Variants in THNSL1 observed in about 807,000 individuals in gnomAD.
THNSL1 encodes threonine synthase like 1.
Under a neutral mutation model 50.4 loss-of-function variants are expected in THNSL1, and 48 were observed. The observed-to-expected ratio is 0.95, with a 90% CI of 0.76 to 1.21. The LOEUF is 1.21. Among genes scored for constraint, THNSL1 ranks in the 50% most tolerant of loss-of-function variants. THNSL1 has a pLI of 0.00. For missense variants in THNSL1, 896 were observed against 871.7 expected (o/e 1.03, Z -0.35); for synonymous variants, 309 against 306.1 (o/e 1.01, Z -0.10).
the THNSL1 span, among the ~76,000 whole-genome samples, chr10:25,010,685 A>G: frequency 0.028 from 4,092 of 144,952 alleles, 145 homozygotes; most frequent in African/African-American, 0.074. Flanking sequence ...ATGAGTGAGA[A>G]CATGCGGTGT....
the THNSL1 span, among the ~76,000 whole-genome samples, chr10:24,989,715 A>G: frequency 6.6e-6 from 1 of 152,236 alleles, no homozygotes; most frequent in Non-Finnish European, 1.5e-5. Context: ...TCCATTTTTC[A>G]ACAGAGATTA....
rs776078853 is a variant in THNSL1, at chr10:25,024,098, C to T, written c.875C>T (p.Ala292Val). 7 of 1,614,174 alleles carry T rather than the reference C, an allele frequency of 4.3e-6. No homozygotes were observed. The Admixed American group carries it at 1.0e-4, about 23-fold the overall frequency. The change falls in exon 3 of 3, where the codon GCA becomes GTA. Residue 292 changes from alanine to valine, a missense_variant. Physicochemically the swap from Ala to Val is moderately conservative, Grantham distance 64. Coordinates refer to ENST00000376356, the MANE Select transcript of THNSL1 (RefSeq NM_024838.5). ...GTAGGAGCAACCTACGTAGAAAGAG[C>T]ACAGATACTGTTGGAAAGATGTATC... ...SLVGATYVER[A>V]QILLERCIHP...
At chr10:25,018,707 T>G (rs1376223013) in intron 1 of THNSL1, among the ~76,000 whole-genome samples, 1 of 137,240 alleles carries the variant, frequency 7.3e-6, no homozygotes. Context: ...TCTATTTAAA[T>G]GAATAAAATG....
the THNSL1 span, among the ~76,000 whole-genome samples, chr10:24,956,761 CG>C: frequency 6.6e-6 from 1 of 152,104 alleles, no homozygotes; most frequent in Non-Finnish European, 1.5e-5. Flanking sequence ...CCCCAACTAC[CG>C]GGCTGCAAAC....
At chr10:24,997,649 A>C in the THNSL1 span, among the ~76,000 whole-genome samples, 1 of 152,092 alleles carries the variant, frequency 6.6e-6, no homozygotes, top group African/African-American at 2.4e-5. Context: ...TTGGCCTCCC[A>C]AAGTGCTGGG....
chr10:24,984,346 G>A, the THNSL1 span: 3 of 1,407,022 alleles, frequency 2.1e-6, no homozygotes, highest in Admixed American at 5.7e-5. Context: ...ATACTTAACA[G>A]TTTTCAAAGT....
the THNSL1 span, among the ~76,000 whole-genome samples, chr10:25,004,413 T>A: frequency 6.6e-6 from 1 of 152,152 alleles, no homozygotes; most frequent in African/African-American, 2.4e-5. Context: ...AAGTGTTCCT[T>A]TTTCTCCACA....
the THNSL1 span, among the ~76,000 whole-genome samples, chr10:25,001,314 AC>A: frequency 5.9e-4 from 89 of 150,852 alleles, no homozygotes; most frequent in African/African-American, 2.1e-3. Flanking sequence ...GCTGTTTTAA[AC>A]TTTTTTTCTC....
chr10:24,977,832 G>C, the THNSL1 span, among the ~76,000 whole-genome samples: 1,657 of 152,220 alleles, frequency 0.011, 35 homozygotes, highest in African/African-American at 0.038. Context: ...CTCAGGAAAG[G>C]AGAACTTGGT....
chr10:24,999,446 T>C, the THNSL1 span: 10 of 1,613,030 alleles, frequency 6.2e-6, no homozygotes, highest in African/African-American at 6.7e-5. Flanking sequence ...AGGAAATCCT[T>C]TGGAGAAGGT....
chr10:24,981,822 G>A, the THNSL1 span, among the ~76,000 whole-genome samples: 1 of 152,150 alleles, frequency 6.6e-6, no homozygotes, highest in Non-Finnish European at 1.5e-5. Context: ...CCTGACTTTA[G>A]TACTTGAGAT....
At chr10:24,957,134 A>T in the THNSL1 span, among the ~76,000 whole-genome samples, 1 of 152,184 alleles carries the variant, frequency 6.6e-6, no homozygotes, top group Non-Finnish European at 1.5e-5. Flanking sequence ...CCTACTAACC[A>T]ACTTCTCCTA....
At position 25,024,321 on chromosome 10, in the gene THNSL1, C is replaced by T. The variant is rs758732283; in HGVS notation, c.1098C>T (p.Ile366=). Residue 366 remains isoleucine, a synonymous_variant, in exon 3 of 3, where the codon ATC becomes ATT. Transcript: ENST00000376356. ...QLMPHIFAHC[I]PPSCNYMILV... is the part of the protein sequence containing the mutation. ...TGCCTCATATTTTTGCACACTGTAT[C>T]CCACCAAGTTGCAATTATATGATAC... is the stretch of plus-strand genomic sequence containing the variant. 3.0e-5 allele frequency: 48 copies of T among 1,614,004 alleles called. No homozygotes were observed. In the South Asian group the frequency reaches 4.0e-4, roughly 13 times the overall value.
At chr10:24,984,591 T>G in the THNSL1 span, 1 of 1,040,532 alleles carries the variant, frequency 9.6e-7, no homozygotes, top group Non-Finnish European at 1.3e-6. Flanking sequence ...TCAATTATTC[T>G]TTGCATATTG....
chr10:24,980,019 T>A, the THNSL1 span, among the ~76,000 whole-genome samples: 1 of 152,238 alleles, frequency 6.6e-6, no homozygotes, highest in African/African-American at 2.4e-5. Flanking sequence ...CTACTCTTTG[T>A]CTGCACTGCT....
rs759325678 is a variant in THNSL1, at chr10:25,023,178, C to A, written c.-46C>A. 1.9e-6 allele frequency: 3 copies of A among 1,560,224 alleles called. No individual in the cohort carries two copies. The South Asian group carries it at 3.7e-5, about 19-fold the overall frequency. On this transcript the variant is annotated splice_region_variant and 5_prime_UTR_variant, in exon 3 of 3. Transcript: ENST00000376356. ...TGTTTGTTTTGTGTTTTGAAAAGGG[C>A]TAAAGCCAATTTTTAGGTTGGCTTG...
the THNSL1 span, chr10:24,999,383 A>C: frequency 6.3e-7 from 1 of 1,580,014 alleles, no homozygotes; most frequent in Admixed American, 2.0e-5. Flanking sequence ...ATTAAAAATA[A>C]AGCATGATAA....
the THNSL1 span, among the ~76,000 whole-genome samples, chr10:24,972,521 TA>T: frequency 7.3e-4 from 102 of 140,508 alleles, 2 homozygotes; most frequent in African/African-American, 2.8e-3. Flanking sequence ...AAAAAAAAAA[TA>T]AATAATAATA....
upstream of THNSL1, chr10:25,016,540 T>C (rs1284950871): frequency 2.0e-5 from 3 of 152,086 alleles, no homozygotes; most frequent in African/African-American, 4.8e-5. Flanking sequence ...CCTGAGGAGA[T>C]CGGAGTGCTC....
Sources: gnomAD v4.1 joint callset for allele counts (sites outside exome capture counted in the v4.1 genomes callset) on GRCh38, gnomAD v4.1.1 for gene constraint, MANE v1.5 for transcripts, NCBI Gene and HGNC (gene_info 2026-07-23, HGNC 2026-07-21) for gene names.